The following BRI3BP variants were observed in gnomAD, a reference collection of about 807,000 sequenced individuals.
BRI3BP encodes the protein BRI3-binding protein.
In BRI3BP, 7 loss-of-function variants were observed where a neutral mutation model predicts 15.8. The observed-to-expected ratio is 0.44, with a 90% CI of 0.25 to 0.83. The LOEUF (loss-of-function observed/expected upper bound fraction) is 0.83, where lower values mean the gene tolerates loss of function less well. BRI3BP is among the 40% of genes least tolerant of loss of function. The pLI is 0.20. For missense variants in BRI3BP, 320 were observed against 339.3 expected (o/e 0.94, Z 0.45); for synonymous variants, 192 against 163.5 (o/e 1.17, Z -1.33).
intron 2 of BRI3BP, among the ~76,000 whole-genome samples, chr12:125,015,027 A>G (rs1204096702): frequency 6.6e-6 from 1 of 152,184 alleles, no homozygotes; most frequent in Non-Finnish European, 1.5e-5. Context: ...TCAGCCTCCC[A>G]AAGTGCTGAG....
chr12:125,040,258 CT>C, the BRI3BP span, among the ~76,000 whole-genome samples: 1 of 145,632 alleles, frequency 6.9e-6, no homozygotes, highest in South Asian at 2.2e-4. Context: ...AAGACTCCAT[CT>C]CAAAAAAAAA....
intron 2 of BRI3BP, among the ~76,000 whole-genome samples, chr12:125,014,985 T>C (rs546680747): frequency 1.1e-4 from 16 of 152,312 alleles, no homozygotes; most frequent in Non-Finnish European, 2.2e-4. Context: ...CAGGCTGGTC[T>C]CAAACTCTTG....
chr12:125,014,717 C>G (rs911250158), intron 2 of BRI3BP, among the ~76,000 whole-genome samples: 1 of 152,208 alleles, frequency 6.6e-6, no homozygotes, highest in Non-Finnish European at 1.5e-5. Flanking sequence ...CAGCCTAGGC[C>G]TGGCATCTCC....
chr12:125,026,198 TC>T lies in BRI3BP; in HGVS notation c.*770del, dbSNP rs1325697472. On this transcript the variant is annotated 3_prime_UTR_variant, in exon 3 of 3. Coordinates refer to ENST00000341446, the MANE Select transcript of BRI3BP (RefSeq NM_080626.6). ...AAATGCAAGGAGGGGCCAAGAAATG[TC>T]CTGGGGATTTGATGCCAGGAAGTAC... is the stretch of plus-strand genomic sequence containing the variant. 6.6e-6 allele frequency: 1 copy of T among 152,200 alleles called. No homozygotes were observed. The highest frequency in any genetic ancestry group is 1.5e-5 in the Non-Finnish European group (1 of 68,048). 9.4% of individuals were successfully genotyped at this position (152,200 alleles called of 1,614,324 possible). A position where few individuals can be genotyped will look rare whatever the true frequency, so the allele number is the denominator to read the frequency against.
intron 1 of BRI3BP, among the ~76,000 whole-genome samples, chr12:125,010,923 G>A (rs763919664): frequency 5.3e-5 from 8 of 151,722 alleles, no homozygotes; most frequent in Non-Finnish European, 7.4e-5. Context: ...GTGAAACCCC[G>A]TCTCTACTAA....
chr12:125,039,345 T>C, the BRI3BP span, among the ~76,000 whole-genome samples: 2 of 152,184 alleles, frequency 1.3e-5, no homozygotes, highest in Admixed American at 1.3e-4. Context: ...TCATTCTCAG[T>C]CAGTTAAACC....
rs910844694 is a variant in BRI3BP at position 125,009,623 on chromosome 12, G to A, written c.214-2911G>A. On this transcript the variant is annotated intron_variant, in intron 1 of 2. Transcript: ENST00000341446. ...TTTCTTAAGGTAAATTAGAGATGGG[G>A]GGGGGGTCTCATTTTGTTGCCCAGG... Among the ~76,000 whole-genome samples, 5 of 77,190 alleles carry A rather than the reference G, an allele frequency of 6.5e-5. No individual in the cohort carries two copies. The East Asian group carries it at 1.3e-3, about 19-fold the overall frequency. 50.6% of individuals were successfully genotyped at this position (77,190 alleles called of 152,430 possible).
At chr12:124,994,368 C>G (rs1955023155) in intron 1 of BRI3BP, among the ~76,000 whole-genome samples, 1 of 152,188 alleles carries the variant, frequency 6.6e-6, no homozygotes, top group Admixed American at 6.5e-5. Context: ...CACTGGCGCT[C>G]TCGGTCCCCA....
intron 2 of BRI3BP, among the ~76,000 whole-genome samples, chr12:125,015,665 A>G (rs1451655173): frequency 6.6e-6 from 1 of 152,218 alleles, no homozygotes; most frequent in Non-Finnish European, 1.5e-5. Flanking sequence ...TGATGGGCAC[A>G]CTGGTTCATA....
chr12:124,994,429 C>T (rs539006149), intron 1 of BRI3BP, among the ~76,000 whole-genome samples: 1 of 152,180 alleles, frequency 6.6e-6, no homozygotes, highest in Admixed American at 6.5e-5. Context: ...CCTCGCATCC[C>T]GACCCACTTC....
chr12:125,034,974 T>C (rs1046667542), downstream of BRI3BP, among the ~76,000 whole-genome samples: 1 of 152,178 alleles, frequency 6.6e-6, no homozygotes, highest in African/African-American at 2.4e-5. Context: ...TTTCACTTAA[T>C]ATAATTATTT....
chr12:125,011,485 T>C (rs1457931047), intron 1 of BRI3BP, among the ~76,000 whole-genome samples: 2 of 152,116 alleles, frequency 1.3e-5, no homozygotes, highest in Non-Finnish European at 1.5e-5. Flanking sequence ...CTCTGTGTGG[T>C]CTGAGTGTGA....
chr12:125,020,222 A>G (rs1944293324), intron 2 of BRI3BP, among the ~76,000 whole-genome samples: 1 of 152,154 alleles, frequency 6.6e-6, no homozygotes, highest in Admixed American at 6.5e-5. Context: ...CTGGGATTAC[A>G]GGCATGAGCC....
At chr12:125,017,248 T>C (rs1051995701) in intron 2 of BRI3BP, among the ~76,000 whole-genome samples, 1 of 151,474 alleles carries the variant, frequency 6.6e-6, no homozygotes, top group African/African-American at 2.4e-5. Flanking sequence ...ATTCTCGAAC[T>C]CCTGACCTCA....
At chr12:125,047,388 T>C in the BRI3BP span, among the ~76,000 whole-genome samples, 2 of 152,308 alleles carry the variant, frequency 1.3e-5, no homozygotes, top group South Asian at 4.1e-4. Context: ...TTAGCCAGGA[T>C]GGTCTCGATC....
the BRI3BP span, among the ~76,000 whole-genome samples, chr12:125,050,104 G>A: frequency 6.6e-6 from 1 of 152,182 alleles, no homozygotes; most frequent in Admixed American, 6.5e-5. Flanking sequence ...TGTAATCCCA[G>A]CACTTTGGGA....
chr12:125,038,283 C>G, the BRI3BP span, among the ~76,000 whole-genome samples: 1 of 151,014 alleles, frequency 6.6e-6, no homozygotes, highest in African/African-American at 2.4e-5. Flanking sequence ...GTTCACCGTT[C>G]TGTTCCATCA....
At chr12:125,019,074 T>G (rs1955271434) in intron 2 of BRI3BP, among the ~76,000 whole-genome samples, 1 of 152,128 alleles carries the variant, frequency 6.6e-6, no homozygotes, top group Non-Finnish European at 1.5e-5. Flanking sequence ...GCCAGGCTGG[T>G]CTCGAACTCC....
In BRI3BP at chr12:125,027,650, ACAGAGTGAGACTCCGTCT is replaced by A. The variant is rs1381718728; in HGVS notation, c.*2223_*2240del. 1 of 152,154 alleles carries A rather than the reference ACAGAGTGAGACTCCGTCT, an allele frequency of 6.6e-6. No individual in the cohort carries two copies. The highest frequency in any genetic ancestry group is 1.9e-4 in the East Asian group (1 of 5,174). 9.4% of individuals were successfully genotyped at this position (152,154 alleles called of 1,614,324 possible). A position where few individuals can be genotyped will look rare whatever the true frequency, so the allele number is the denominator to read the frequency against. On this transcript the variant is annotated 3_prime_UTR_variant, in exon 3 of 3. Coordinates refer to ENST00000341446, the MANE Select transcript of BRI3BP (RefSeq NM_080626.6). ...ATACCACCACACTCTAGCCTCAGCA[ACAGAGTGAGACTCCGTCT>A]CAAAAAAAATTATTTGCTGGATCGA...
Sources: gnomAD v4.1 joint callset for allele counts (sites outside exome capture counted in the v4.1 genomes callset) on GRCh38, gnomAD v4.1.1 for gene constraint, MANE v1.5 for transcripts, NCBI Gene and HGNC (gene_info 2026-07-23, HGNC 2026-07-21) for gene names.